The following PAICS variants were observed in gnomAD, a reference collection of about 807,000 sequenced individuals.
The protein encoded by PAICS is phosphoribosylaminoimidazole carboxylase and phosphoribosylaminoimidazolesuccinocarboxamide synthase, also known as bifunctional phosphoribosylaminoimidazole carboxylase/phosphoribosylaminoimidazole succinocarboxamide synthetase.
A neutral mutation model predicts 53.7 loss-of-function variants in PAICS; 33 were observed. The ratio of observed to expected loss-of-function variants is 0.61; its 90% CI spans 0.47 to 0.82. The LOEUF (loss-of-function observed/expected upper bound fraction) is 0.82, where lower values mean the gene tolerates loss of function less well. Ranked by LOEUF, PAICS falls within the 40% of genes least tolerant of loss-of-function variation. PAICS has a pLI of 0.00. For missense variants in PAICS, 394 were observed against 494.1 expected, an observed-to-expected ratio of 0.80 and a Z score of 1.92; for synonymous variants, 141 against 167.2, an observed-to-expected ratio of 0.84 and a Z score of 1.21.
intron 1 of PAICS, among the ~76,000 whole-genome samples, chr4:56,438,308 A>C (rs1189966673): frequency 6.7e-6 from 1 of 148,780 alleles, no homozygotes; most frequent in East Asian, 1.9e-4. Flanking sequence ...ATATAATGTA[A>C]ATTTGTCTTC....
upstream of PAICS, chr4:56,436,056 G>A: frequency 6.6e-7 from 1 of 1,506,750 alleles, no homozygotes; most frequent in Non-Finnish European, 8.9e-7. Flanking sequence ...CCAGCGCGGG[G>A]CGGCCCGGAG....
upstream of PAICS, chr4:56,435,573 G>A (rs1438958781): frequency 1.3e-6 from 2 of 1,586,406 alleles, no homozygotes; most frequent in African/African-American, 1.3e-5. Context: ...AGAAGCTCGC[G>A]CTCGCGACAG....
chr4:56,413,191 ACT>A, the PAICS span, among the ~76,000 whole-genome samples: 1 of 151,968 alleles, frequency 6.6e-6, no homozygotes, highest in South Asian at 2.1e-4. Context: ...ACAGAGTCTC[ACT>A]CTGTCACCCA....
chr4:56,422,396 G>A, the PAICS span: 1 of 151,604 alleles, frequency 6.6e-6, no homozygotes, highest in African/African-American at 2.4e-5. Context: ...GATTCAGTCA[G>A]TAATAAGTCA....
chr4:56,425,267 C>T, the PAICS span: 1 of 155,038 alleles, frequency 6.5e-6, no homozygotes, highest in Middle Eastern at 3.1e-3. Context: ...GTATATTTTA[C>T]ATGCATTATA....
At chr4:56,431,006 G>T (rs1043615604), upstream of PAICS, among the ~76,000 whole-genome samples, 2 of 151,788 alleles carry the variant, frequency 1.3e-5, no homozygotes, top group Admixed American at 6.6e-5. Context: ...AAAAAAAAAA[G>T]TTATAAATGG....
chr4:56,428,225 A>G, the PAICS span, among the ~76,000 whole-genome samples: 2 of 152,382 alleles, frequency 1.3e-5, no homozygotes, highest in Middle Eastern at 6.8e-3. Flanking sequence ...TTGAATAATT[A>G]TAAATCATGT....
At chr4:56,450,365 T>TA (rs1718844637) in intron 5 of PAICS, among the ~76,000 whole-genome samples, 1 of 152,214 alleles carries the variant, frequency 6.6e-6, no homozygotes, top group Non-Finnish European at 1.5e-5. Context: ...AGACCCTTTC[T>TA]ATACTTAATA....
At chr4:56,431,967 A>G (rs1430460220), upstream of PAICS, among the ~76,000 whole-genome samples, 1 of 152,240 alleles carries the variant, frequency 6.6e-6, no homozygotes, top group East Asian at 1.9e-4. Context: ...CAGAAAGCAG[A>G]GCTACGGAAT....
intron 1 of PAICS, among the ~76,000 whole-genome samples, chr4:56,441,050 G>A (rs1393947320): frequency 6.6e-6 from 1 of 152,158 alleles, no homozygotes; most frequent in Non-Finnish European, 1.5e-5. Flanking sequence ...GCAGGGACAG[G>A]ATTAAGAAAT....
the PAICS span, among the ~76,000 whole-genome samples, chr4:56,411,625 T>C: frequency 1.4e-4 from 22 of 152,182 alleles, no homozygotes; most frequent in Admixed American, 1.3e-4. Flanking sequence ...TCTACCATAG[T>C]CTAAATCTTA....
At chr4:56,417,576 T>A in the PAICS span, among the ~76,000 whole-genome samples, 3 of 151,740 alleles carry the variant, frequency 2.0e-5, no homozygotes, top group African/African-American at 7.3e-5. Flanking sequence ...AGACCAGGAG[T>A]TCGAGACTAG....
chr4:56,436,580 T>C, intron 1 of PAICS: 1 of 698,402 alleles, frequency 1.4e-6, no homozygotes, highest in Non-Finnish European at 2.6e-6. Flanking sequence ...AAGTATTATT[T>C]ATAATCAATA....
chr4:56,411,196 G>T, the PAICS span, among the ~76,000 whole-genome samples: 1 of 152,154 alleles, frequency 6.6e-6, no homozygotes, highest in Non-Finnish European at 1.5e-5. Flanking sequence ...TTGAAATATG[G>T]ATTGAGTTCT....
intron 1 of PAICS, among the ~76,000 whole-genome samples, chr4:56,438,799 T>C (rs1382328030): frequency 6.6e-6 from 1 of 152,158 alleles, no homozygotes; most frequent in Non-Finnish European, 1.5e-5. Context: ...AAAAATTCTT[T>C]AGATATTTTA....
upstream of PAICS, among the ~76,000 whole-genome samples, chr4:56,433,986 G>T (rs568240318): frequency 3.3e-5 from 5 of 152,060 alleles, no homozygotes; most frequent in African/African-American, 1.2e-4. Context: ...CACCGCGCCT[G>T]GCCATAGTTT....
intron 2 of PAICS, chr4:56,446,463 CAGGAATTTCGTTCCTTTTTATGGCT>C: frequency 1.4e-6 from 1 of 699,702 alleles, no homozygotes; most frequent in Non-Finnish European, 2.7e-6. Context: ...ATGGATGTAT[CAGGAATTTCGTTCCTTTTTATGGCT>C]GAACAATACA....
the PAICS span, among the ~76,000 whole-genome samples, chr4:56,424,843 T>C: frequency 2.0e-4 from 30 of 152,356 alleles, no homozygotes; most frequent in African/African-American, 6.7e-4. Flanking sequence ...TTATTATCTA[T>C]GTATTCCCGC....
In PAICS at chr4:56,461,097, T is replaced by G. The variant is rs1171224781; in HGVS notation, c.*1559T>G. Reference sequence around the variant, plus strand: ...CCACGTTTTTATCATTAAGACCTATTTGTTAGCTAGTAGAGCTTTATGTTC... The same window carrying G: ...CCACGTTTTTATCATTAAGACCTATGTGTTAGCTAGTAGAGCTTTATGTTC... On this transcript the variant is annotated 3_prime_UTR_variant, in exon 9 of 9. Coordinates refer to ENST00000512576, the MANE Select transcript of PAICS (RefSeq NM_001079524.2). The G allele has an allele frequency of 5.3e-5, 8 of 152,206 alleles. No individual in the cohort carries two copies. The highest frequency in any genetic ancestry group is 8.8e-5 in the Non-Finnish European group (6 of 68,032). 9.4% of individuals were successfully genotyped at this position (152,206 alleles called of 1,614,324 possible).
Sources: gnomAD v4.1 joint callset for allele counts (sites outside exome capture counted in the v4.1 genomes callset) on GRCh38, gnomAD v4.1.1 for gene constraint, MANE v1.5 for transcripts, NCBI Gene and HGNC (gene_info 2026-07-23, HGNC 2026-07-21) for gene names.